CGA: variants seen among roughly 807,000 people sequenced by gnomAD.
CGA encodes glycoprotein hormones, alpha polypeptide.
Under a neutral mutation model 12.0 loss-of-function variants are expected in CGA, and 4 were observed. That is an observed-to-expected ratio of 0.33 (90% CI 0.16 to 0.76). CGA has a LOEUF of 0.76. CGA is among the 30% of genes least tolerant of loss of function. The pLI is 0.60. For synonymous variants in CGA, 60 were observed against 56.6 expected (o/e 1.06, Z -0.27); for missense variants, 102 against 143.5 (o/e 0.71, Z 1.48).
intron 2 of CGA, chr6:87,086,759 C>A (rs1232658223): frequency 4.4e-6 from 1 of 226,752 alleles, no homozygotes; most frequent in Non-Finnish European, 8.5e-6. Flanking sequence ...GCACTCCAGC[C>A]TGGGTGACAA....
At chr6:87,088,316 A>T (rs1168140699) in intron 1 of CGA, 109 bp from the exon 2 acceptor site, 1 of 567,068 alleles carries the variant, frequency 1.8e-6, no homozygotes, top group Non-Finnish European at 3.0e-6. Flanking sequence ...AATAATAGTC[A>T]TCAGTGTCTT....
intron 1 of CGA, among the ~76,000 whole-genome samples, chr6:87,093,514 G>A (rs564340075): frequency 1.2e-4 from 19 of 152,342 alleles, no homozygotes; most frequent in African/African-American, 4.6e-4. Context: ...GCAAAGATCA[G>A]AAGTTGATAG....
rs777020415 is a variant in CGA, at chr6:87,088,129, G to T, written c.72C>A (p.Ser24=). 6.3e-7 allele frequency: 1 copy of T among 1,595,676 alleles called. No homozygotes were observed. The highest frequency in any genetic ancestry group is 8.6e-7 in the Non-Finnish European group (1 of 1,169,502). ...TLSVFLHVLH[S]APDVQDCPEC... is the part of the protein sequence containing the mutation. ...GTCACGCACCCTGCACATCAGGAGCGGAATGGAGAACATGCAGAAACACCG... is the reference window on the plus strand; with the variant it reads ...GTCACGCACCCTGCACATCAGGAGCTGAATGGAGAACATGCAGAAACACCG... Residue 24 remains serine (S), a synonymous_variant, in exon 2 of 4, where the codon TCC becomes TCA. Transcript: ENST00000627148.
At chr6:87,094,318 C>T (rs181584703) in intron 1 of CGA, among the ~76,000 whole-genome samples, 1 of 152,102 alleles carries the variant, frequency 6.6e-6, no homozygotes, top group African/African-American at 2.4e-5. Context: ...AATCAGCCAC[C>T]AATTAATGCT....
chr6:87,089,079 C>G (rs1354279867), intron 1 of CGA: 1 of 152,138 alleles, frequency 6.6e-6, no homozygotes, highest in African/African-American at 2.4e-5. Context: ...AAAATGAACA[C>G]ACTATTGATA....
chr6:87,085,736 G>C lies in CGA; in HGVS notation c.*20C>G, dbSNP rs1423691779. On this transcript the variant is annotated 3_prime_UTR_variant, in exon 4 of 4. Transcript: ENST00000627148. ...ATTCCAGAAAATCAGCAGTCATCAAGACAGCACTTGGTAAAACATTTAAGA... is the reference window on the plus strand; with the variant it reads ...ATTCCAGAAAATCAGCAGTCATCAACACAGCACTTGGTAAAACATTTAAGA... The C allele has an allele frequency of 1.3e-6, 2 of 1,563,250 alleles. No individual in the cohort carries two copies. The highest frequency in any genetic ancestry group is 1.7e-5 in the Admixed American group (1 of 59,684).
chr6:87,086,492 A>G (rs769728558), intron 2 of CGA, 58 bp from the exon 3 acceptor site: 25 of 1,516,974 alleles, frequency 1.6e-5, no homozygotes, highest in African/African-American at 2.8e-5. Context: ...AAAAGAATCT[A>G]TGAGGCCAGC....
intron 3 of CGA, 148 bp downstream of exon 3, chr6:87,086,102 A>G (rs1187684627): frequency 1.1e-5 from 8 of 721,894 alleles, no homozygotes; most frequent in Non-Finnish European, 1.9e-5. Flanking sequence ...CTTTTAATTA[A>G]TGGGTAGAAA....
At chr6:87,087,168 T>C (rs2025486) in intron 2 of CGA, among the ~76,000 whole-genome samples, 100,023 of 152,164 alleles carry the variant, frequency 0.66, 33,882 homozygotes, top group African/African-American at 0.82. Context: ...TATTATTTTT[T>C]CATCAAAAAT....
At chr6:87,089,552 C>G (rs1035750140) in intron 1 of CGA, among the ~76,000 whole-genome samples, 15 of 151,986 alleles carry the variant, frequency 9.9e-5, no homozygotes, top group African/African-American at 3.4e-4. Context: ...TGCAATTATT[C>G]AAAATAAAAG....
chr6:87,086,234 A>C lies in CGA; in HGVS notation c.273+16T>G. On this transcript the variant is annotated intron_variant, in intron 3 of 3. Transcript: ENST00000627148. ...TTGGGCTGTTAGAAAGCTTCTGGGG[A>C]TCTTGAGGTTCTTACCCTGTTATAT... The C allele has an allele frequency of 6.3e-7, 1 of 1,597,880 alleles. No individual in the cohort carries two copies. Among genetic ancestry groups the C allele is most frequent in the South Asian group, 1.1e-5 (1 of 88,368 alleles).
At chr6:87,086,463 A>G (rs781348125) in intron 2 of CGA, 29 bp from the exon 3 acceptor site, 7 of 1,572,626 alleles carry the variant, frequency 4.5e-6, no homozygotes, top group Non-Finnish European at 6.0e-6. Context: ...GGCAGAGTAA[A>G]ATATCCAAAA....
At chr6:87,090,526 T>C (rs1041975639) in intron 1 of CGA, among the ~76,000 whole-genome samples, 2 of 152,146 alleles carry the variant, frequency 1.3e-5, no homozygotes, top group African/African-American at 4.8e-5. Context: ...TGTTAACATA[T>C]GATGGATTTT....
intron 1 of CGA, among the ~76,000 whole-genome samples, chr6:87,093,795 C>T (rs1321316499): frequency 6.6e-6 from 1 of 152,108 alleles, no homozygotes; most frequent in South Asian, 2.1e-4. Flanking sequence ...TAATTAATTG[C>T]TTTTCTAACA....
Position 87,095,008 on chromosome 6 carries a change from A to G in CGA, c.-8+5T>C, listed in dbSNP as rs963893302. 1 of 152,198 alleles carries G rather than the reference A, an allele frequency of 6.6e-6. No homozygotes were observed. The highest frequency in any genetic ancestry group is 1.5e-5 in the Non-Finnish European group (1 of 68,040). The allele number at this position is 152,198 out of a possible 1,614,324, so 9.4% of individuals were successfully genotyped here. A position where few individuals can be genotyped will look rare whatever the true frequency, so the allele number is the denominator to read the frequency against. On this transcript the variant is annotated splice_donor_5th_base_variant and intron_variant, in intron 1 of 3. Coordinates refer to ENST00000627148, the MANE Select transcript of CGA (RefSeq NM_000735.4). ...AGTCCCCCAAAATTATTTCATTCAT[A>G]TTACCTTTCTCTGGGCTTTTTGCAG...
Position 87,090,443 on chromosome 6 carries a change from G to GT in CGA, c.-7-2237dup, listed in dbSNP as rs532013539. Reference sequence around the variant, plus strand: ...AGACGATGAAGAGTTTTGCAAAAGGGTAAAACAATGCCACTCATCACTAAT... The same window carrying GT: ...AGACGATGAAGAGTTTTGCAAAAGGGTTAAAACAATGCCACTCATCACTAAT... On this transcript the variant is annotated intron_variant, in intron 1 of 3. Coordinates refer to ENST00000627148, the MANE Select transcript of CGA (RefSeq NM_000735.4). Among the ~76,000 whole-genome samples the GT allele has an allele frequency of 4.6e-5, 7 of 152,044 alleles. No individual in the cohort carries two copies. The South Asian group carries it at 1.5e-3, about 32-fold the overall frequency.
intron 1 of CGA, among the ~76,000 whole-genome samples, chr6:87,093,026 G>A (rs1435672146): frequency 2.0e-5 from 3 of 151,980 alleles, no homozygotes; most frequent in East Asian, 1.9e-4. Flanking sequence ...TGATATCCCC[G>A]GCTCTGCCTC....
intron 3 of CGA, chr6:87,086,045 C>A: frequency 1.5e-6 from 1 of 646,758 alleles, no homozygotes; most frequent in Non-Finnish European, 2.7e-6. Flanking sequence ...TACCCCTATT[C>A]TCCTCATTCT....
At position 87,085,636 on chromosome 6, in the gene CGA, G is replaced by A. The variant is rs772341066; in HGVS notation, c.*120C>T. ...TAAAGCTGCAGTATATCCTTGAAGC[G>A]TGTCAAAGTGGTATGGTAAGGAAAA... On this transcript the variant is annotated 3_prime_UTR_variant, in exon 4 of 4. Coordinates refer to ENST00000627148, the MANE Select transcript of CGA (RefSeq NM_000735.4). 5.1e-5 allele frequency: 36 copies of A among 701,362 alleles called. No homozygotes were observed. Among genetic ancestry groups the A allele is most frequent in the Middle Eastern group, 2.7e-4 (1 of 3,766 alleles). The allele number at this position is 701,362 out of a possible 1,614,324, so 43.4% of individuals were successfully genotyped here. A position where few individuals can be genotyped will look rare whatever the true frequency, so the allele number is the denominator to read the frequency against.
Sources: gnomAD v4.1 joint callset for allele counts (sites outside exome capture counted in the v4.1 genomes callset) on GRCh38, gnomAD v4.1.1 for gene constraint, MANE v1.5 for transcripts, NCBI Gene and HGNC (gene_info 2026-07-23, HGNC 2026-07-21) for gene names.